The following GALNT17 variants were observed in gnomAD, a reference collection of about 807,000 sequenced individuals.
GALNT17 encodes the protein UDP-GalNAc:polypeptide N-acetylgalactosaminyltransferase-like 3.
Under a neutral mutation model 63.7 loss-of-function variants are expected in GALNT17, and 29 were observed. That is an observed-to-expected ratio of 0.46 (90% CI 0.34 to 0.62). GALNT17 has a LOEUF of 0.62. Among genes scored for constraint, GALNT17 ranks in the 20% least tolerant of loss-of-function variants. The pLI is 0.01. For missense variants in GALNT17, 603 were observed against 799.6 expected, an observed-to-expected ratio of 0.75 and a Z score of 2.97; for synonymous variants, 305 against 318.3, an observed-to-expected ratio of 0.96 and a Z score of 0.45.
intron 5 of GALNT17, among the ~76,000 whole-genome samples, chr7:71,501,081 T>G (rs2116700746): frequency 6.6e-6 from 1 of 152,168 alleles, no homozygotes; most frequent in African/African-American, 2.4e-5. Context: ...GCGATTCCCC[T>G]GCCTCAGCCT....
chr7:71,162,329 A>G (rs549410347), intron 1 of GALNT17, among the ~76,000 whole-genome samples: 42 of 151,158 alleles, frequency 2.8e-4, no homozygotes, highest in South Asian at 2.5e-3. Context: ...ATATTTGGCT[A>G]ACTATGGAAG....
intron 6 of GALNT17, among the ~76,000 whole-genome samples, chr7:71,657,139 C>G (rs898738935): frequency 6.6e-6 from 1 of 152,130 alleles, no homozygotes; most frequent in Non-Finnish European, 1.5e-5. Context: ...TATTAGAATT[C>G]TATGACAAGG....
intron 6 of GALNT17, among the ~76,000 whole-genome samples, chr7:71,623,642 G>A (rs1451979561): frequency 6.6e-6 from 1 of 151,804 alleles, no homozygotes; most frequent in African/African-American, 2.4e-5. Flanking sequence ...CATTACGTTG[G>A]CGAGGCTGGT....
At chr7:71,321,923 C>CTTCCTTCG (rs1455017909) in intron 1 of GALNT17, among the ~76,000 whole-genome samples, 1 of 47,082 alleles carries the variant, frequency 2.1e-5, no homozygotes, top group African/African-American at 9.1e-5. Flanking sequence ...TCCTTCCTTC[C>CTTCCTTCG]CCTCCCTCCC....
At chr7:71,431,010 G>T (rs763691300) in intron 5 of GALNT17, among the ~76,000 whole-genome samples, 3 of 152,020 alleles carry the variant, frequency 2.0e-5, no homozygotes, top group Non-Finnish European at 4.4e-5. Flanking sequence ...TTTCAAATGT[G>T]TGTGATAGCA....
intron 1 of GALNT17, among the ~76,000 whole-genome samples, chr7:71,209,984 A>G (rs968851447): frequency 1.3e-5 from 2 of 151,956 alleles, no homozygotes; most frequent in Admixed American, 1.3e-4. Flanking sequence ...GTGCAGTGGC[A>G]CAAACTGAGC....
intron 1 of GALNT17, among the ~76,000 whole-genome samples, chr7:71,257,314 G>T (rs1420009796): frequency 6.6e-6 from 1 of 152,134 alleles, no homozygotes; most frequent in East Asian, 1.9e-4. Flanking sequence ...ACAGATTCAT[G>T]CTTCCTATTA....
At chr7:71,220,734 A>C (rs948673743) in intron 1 of GALNT17, among the ~76,000 whole-genome samples, 1 of 152,122 alleles carries the variant, frequency 6.6e-6, no homozygotes, top group Non-Finnish European at 1.5e-5. Context: ...ACACAGACAC[A>C]CAGGGGGAAG....
At chr7:71,244,547 A>G (rs1360214369) in intron 1 of GALNT17, among the ~76,000 whole-genome samples, 5 of 152,188 alleles carry the variant, frequency 3.3e-5, no homozygotes, top group South Asian at 2.1e-4. Context: ...ATAAAATGAG[A>G]TAATAAAAAT....
chr7:71,677,823 C>T (rs765999256), intron 9 of GALNT17, among the ~76,000 whole-genome samples: 12 of 152,084 alleles, frequency 7.9e-5, no homozygotes, highest in Non-Finnish European at 1.8e-4. Context: ...CCAAGGCTCA[C>T]AGGTTTTTCT....
intron 5 of GALNT17, among the ~76,000 whole-genome samples, chr7:71,564,288 T>TC (rs1447169060): frequency 1.6e-4 from 5 of 31,532 alleles, no homozygotes; most frequent in Non-Finnish European, 3.2e-4. Flanking sequence ...CTTTTTTTTT[T>TC]TTTTTTTTTT....
rs1319160468 is a variant in GALNT17 at position 71,184,951 on chromosome 7, C to A, written c.238+51911C>A. On this transcript the variant is annotated intron_variant, in intron 1 of 10. Coordinates refer to ENST00000333538, the MANE Select transcript of GALNT17 (RefSeq NM_022479.3). ...CCCTCCCTTCCTCACTTCCTTCCTT[C>A]CTTCCTTCCTTCCTTCCTTCCTTCC... Among the ~76,000 whole-genome samples the A allele has an allele frequency of 3.2e-4, 27 of 83,592 alleles. No homozygotes were observed. In the Middle Eastern group the frequency reaches 0.021, roughly 66 times the overall value. The allele number at this position is 83,592 out of a possible 152,430, so 54.8% of individuals were successfully genotyped here.
chr7:71,424,599 G>C (rs1786725028), intron 5 of GALNT17, among the ~76,000 whole-genome samples: 1 of 152,204 alleles, frequency 6.6e-6, no homozygotes, highest in Non-Finnish European at 1.5e-5. Context: ...ATGCATCTCT[G>C]TTGTACAAAA....
chr7:71,455,268 A>C (rs983566922), intron 5 of GALNT17, among the ~76,000 whole-genome samples: 2 of 151,758 alleles, frequency 1.3e-5, no homozygotes, highest in Non-Finnish European at 2.9e-5. Context: ...GGTGGAGCCT[A>C]TTGAAAGGGC....
chr7:71,587,020 C>CTTTTTTG (rs900768653), intron 6 of GALNT17, among the ~76,000 whole-genome samples: 1 of 151,982 alleles, frequency 6.6e-6, no homozygotes, highest in African/African-American at 2.4e-5. Flanking sequence ...TCCTCTCTAC[C>CTTTTTTG]TTTTTTGTTT....
intron 1 of GALNT17, among the ~76,000 whole-genome samples, chr7:71,149,866 G>T (rs1229126224): frequency 6.6e-6 from 1 of 152,102 alleles, no homozygotes; most frequent in Non-Finnish European, 1.5e-5. Context: ...TTGTATCATG[G>T]TGGCTTTAAT....
chr7:71,376,651 G>A (rs1159862480), intron 2 of GALNT17, among the ~76,000 whole-genome samples: 4 of 151,662 alleles, frequency 2.6e-5, no homozygotes, highest in African/African-American at 9.7e-5. Context: ...GTAGAATTGA[G>A]GGTAAAAGAA....
chr7:71,316,116 C>G (rs184304693), intron 1 of GALNT17, among the ~76,000 whole-genome samples: 2 of 151,814 alleles, frequency 1.3e-5, no homozygotes, highest in African/African-American at 4.8e-5. Context: ...CACCAGACTT[C>G]CCTCTGTGCT....
At chr7:71,436,687 C>A (rs182942698) in intron 5 of GALNT17, among the ~76,000 whole-genome samples, 2,470 of 121,184 alleles carry the variant, frequency 0.02, 31 homozygotes, top group South Asian at 0.023. Flanking sequence ...CCACTGCACT[C>A]CAGCCTGGGC....
Sources: gnomAD v4.1 joint callset for allele counts (sites outside exome capture counted in the v4.1 genomes callset) on GRCh38, gnomAD v4.1.1 for gene constraint, MANE v1.5 for transcripts, NCBI Gene and HGNC (gene_info 2026-07-23, HGNC 2026-07-21) for gene names.